Variants in ADRA1B observed in about 807,000 individuals in gnomAD.
ADRA1B encodes alpha-1B adrenergic receptor.
ADRA1B carries 17 observed loss-of-function variants against 17.9 expected under a neutral mutation model. That is an observed-to-expected ratio of 0.95 (90% confidence interval 0.65 to 1.42). ADRA1B has a LOEUF of 1.42. Ranked by LOEUF, ADRA1B falls within the 40% of genes most tolerant of loss-of-function variation. ADRA1B has a pLI of 0.00. For missense variants in ADRA1B, 681 were observed against 722.1 expected, an observed-to-expected ratio of 0.94 and a Z score of 0.65; for synonymous variants, 366 against 327.6, an observed-to-expected ratio of 1.12 and a Z score of -1.27.
chr5:159,965,758 A>C (rs1024220151), intron 1 of ADRA1B, among the ~76,000 whole-genome samples: 1 of 152,134 alleles, frequency 6.6e-6, no homozygotes, highest in African/African-American at 2.4e-5. Context: ...CTGTGGTGAA[A>C]GTCTAGGGAA....
At chr5:159,880,113 A>T (rs1753847029) in intron 1 of ADRA1B, among the ~76,000 whole-genome samples, 1 of 152,236 alleles carries the variant, frequency 6.6e-6, no homozygotes, top group Non-Finnish European at 1.5e-5. Context: ...ATAGTAAATC[A>T]TATCTCCATT....
At chr5:159,928,014 GGCTGA>G (rs1754708662) in intron 1 of ADRA1B, among the ~76,000 whole-genome samples, 2 of 152,298 alleles carry the variant, frequency 1.3e-5, no homozygotes, top group African/African-American at 4.8e-5. Context: ...ATGAGTGAGT[GGCTGA>G]GCTAAGATTT....
At chr5:159,905,006 G>A (rs1045869718) in intron 1 of ADRA1B, among the ~76,000 whole-genome samples, 1 of 152,224 alleles carries the variant, frequency 6.6e-6, no homozygotes, top group Non-Finnish European at 1.5e-5. Flanking sequence ...AGGAGAGGAA[G>A]AGGAGCCAAC....
At chr5:159,875,394 G>A (rs1476130954) in intron 1 of ADRA1B, among the ~76,000 whole-genome samples, 1 of 151,914 alleles carries the variant, frequency 6.6e-6, no homozygotes. Context: ...ATAAGTCACC[G>A]ACAGCCTTAA....
At chr5:159,949,779 G>A (rs1755374541) in intron 1 of ADRA1B, among the ~76,000 whole-genome samples, 1 of 152,228 alleles carries the variant, frequency 6.6e-6, no homozygotes, top group Non-Finnish European at 1.5e-5. Context: ...GCCGGCACCA[G>A]CCTGCCTCCA....
intron 1 of ADRA1B, among the ~76,000 whole-genome samples, chr5:159,958,403 C>T (rs546949640): frequency 6.6e-6 from 1 of 152,188 alleles, no homozygotes; most frequent in East Asian, 1.9e-4. Flanking sequence ...TACATAATTT[C>T]ATTGATCTTT....
At chr5:159,957,946 AAAAAAAGAAAAG>A (rs1178692246) in intron 1 of ADRA1B, among the ~76,000 whole-genome samples, 1,917 of 144,256 alleles carry the variant, frequency 0.013, 35 homozygotes, top group African/African-American at 0.048. Flanking sequence ...AAAAAAAAAA[AAAAAAAGAAAAG>A]AAAAAAGAAA....
intron 1 of ADRA1B, among the ~76,000 whole-genome samples, chr5:159,962,930 C>CTT (rs1287451612): frequency 4.0e-4 from 23 of 57,414 alleles, no homozygotes; most frequent in African/African-American, 1.3e-3. Flanking sequence ...TTTTTCTTTT[C>CTT]TTTTCTTTTT....
At chr5:159,904,002 A>C (rs1754130101) in intron 1 of ADRA1B, among the ~76,000 whole-genome samples, 1 of 152,196 alleles carries the variant, frequency 6.6e-6, no homozygotes, top group Admixed American at 6.5e-5. Flanking sequence ...GTGTGTGTAA[A>C]TACTAGAAAG....
intron 1 of ADRA1B, among the ~76,000 whole-genome samples, chr5:159,910,740 A>C (rs970029575): frequency 2.6e-5 from 4 of 152,226 alleles, no homozygotes; most frequent in African/African-American, 9.6e-5. Flanking sequence ...TGTAGTTTGC[A>C]GACTCTGAAC....
chr5:159,966,169 T>TA (rs1755773037), intron 1 of ADRA1B, among the ~76,000 whole-genome samples: 1 of 152,194 alleles, frequency 6.6e-6, no homozygotes, highest in African/African-American at 2.4e-5. Flanking sequence ...TCACCCAAAA[T>TA]GATACATGTA....
chr5:159,930,853 G>A (rs1581043326), intron 1 of ADRA1B, among the ~76,000 whole-genome samples: 1 of 151,702 alleles, frequency 6.6e-6, no homozygotes, highest in African/African-American at 2.4e-5. Flanking sequence ...AAATGTGATA[G>A]AATACAAATT....
intron 1 of ADRA1B, among the ~76,000 whole-genome samples, chr5:159,885,133 G>A (rs912817226): frequency 2.0e-5 from 3 of 152,172 alleles, no homozygotes; most frequent in African/African-American, 7.2e-5. Flanking sequence ...TAAGATCAGA[G>A]TCACAGACTA....
At chr5:159,899,567 T>C (rs1203333543) in intron 1 of ADRA1B, among the ~76,000 whole-genome samples, 1 of 152,184 alleles carries the variant, frequency 6.6e-6, no homozygotes, top group African/African-American at 2.4e-5. Flanking sequence ...AGTATGCCCA[T>C]ACTGACAGTG....
chr5:159,964,174 C>T (rs575597322), intron 1 of ADRA1B, among the ~76,000 whole-genome samples: 1 of 152,308 alleles, frequency 6.6e-6, no homozygotes, highest in African/African-American at 2.4e-5. Context: ...ATATCTATTT[C>T]AGCACCTACT....
chr5:159,884,945 ATTAAT>A (rs1346170075), intron 1 of ADRA1B, among the ~76,000 whole-genome samples: 2 of 152,232 alleles, frequency 1.3e-5, no homozygotes, highest in Non-Finnish European at 1.5e-5. Flanking sequence ...GAATCTTGAA[ATTAAT>A]TTCCTTTGGC....
intron 1 of ADRA1B, among the ~76,000 whole-genome samples, chr5:159,970,671 T>C (rs1300536637): frequency 6.6e-6 from 1 of 152,234 alleles, no homozygotes; most frequent in Non-Finnish European, 1.5e-5. Context: ...AGGATGTGTG[T>C]ACAGCCTGTG....
chr5:159,921,572 G>C (rs1359878730), intron 1 of ADRA1B, among the ~76,000 whole-genome samples: 2 of 152,200 alleles, frequency 1.3e-5, no homozygotes, highest in South Asian at 2.1e-4. Flanking sequence ...CAGCCAACCA[G>C]TAGCTGGGCT....
intron 1 of ADRA1B, among the ~76,000 whole-genome samples, chr5:159,934,081 A>C (rs1045364285): frequency 6.6e-6 from 1 of 152,234 alleles, no homozygotes; most frequent in African/African-American, 2.4e-5. Flanking sequence ...AGCACCACTC[A>C]AGAAGCAAGG....
Sources: allele counts gnomAD v4.1 joint callset (sites outside exome capture counted in the v4.1 genomes callset), GRCh38; gene constraint gnomAD v4.1.1; transcripts MANE v1.5; gene names NCBI Gene and HGNC (gene_info 2026-07-23, HGNC 2026-07-21).